Variants in STX16 observed in about 807,000 individuals in gnomAD.
STX16 encodes syntaxin-16.
STX16 carries 28 observed loss-of-function variants against 42.7 expected under a neutral mutation model. The observed-to-expected ratio is 0.66, with a 90% CI of 0.49 to 0.90. The LOEUF (loss-of-function observed/expected upper bound fraction) is 0.90. STX16 is among the 40% of genes least tolerant of loss of function. The pLI is 0.00. For missense variants in STX16, 361 were observed against 420.9 expected (o/e 0.86, Z 1.24); for synonymous variants, 156 against 155.2 (o/e 1.00, Z -0.04).
At chr20:58,667,413 A>G (rs2083861901) in intron 2 of STX16, 77 bp from the exon 3 acceptor site, 1 of 1,184,146 alleles carries the variant, frequency 8.4e-7, no homozygotes, top group South Asian at 1.3e-5. Flanking sequence ...AGGGAGTAAC[A>G]TTTAAGAGAG....
rs565696979 is a variant in STX16, at chr20:58,651,463, C to T, written c.-544C>T. On this transcript the variant is annotated 5_prime_UTR_variant, in exon 1 of 9. Coordinates refer to ENST00000371141, the MANE Select transcript of STX16 (RefSeq NM_001001433.3). ...CAGACAAGTCCCCAGAAGGGAGCTG[C>T]AGGCGCCCTCGAGTCCAGGCCCCAA... 6.5e-6 allele frequency: 1 copy of T among 154,186 alleles called. No individual in the cohort carries two copies. 9.6% of individuals were successfully genotyped at this position (154,186 alleles called of 1,614,324 possible). A position where few individuals can be genotyped will look rare whatever the true frequency, so the allele number is the denominator to read the frequency against.
intron 3 of STX16, 104 bp downstream of exon 3, chr20:58,667,701 A>T (rs555329106): frequency 5.8e-6 from 6 of 1,042,100 alleles, no homozygotes; most frequent in Non-Finnish European, 8.7e-6. Context: ...ACTTGAATGT[A>T]TATTTCTAGA....
chr20:58,677,520 A>G lies in STX16; in HGVS notation c.*1229A>G, dbSNP rs763901883. 2.0e-5 allele frequency: 3 copies of G among 152,246 alleles called. No individual in the cohort carries two copies. The allele number at this position is 152,246 out of a possible 1,614,324, so 9.4% of individuals were successfully genotyped here. On this transcript the variant is annotated 3_prime_UTR_variant, in exon 9 of 9. Coordinates refer to ENST00000371141, the MANE Select transcript of STX16 (RefSeq NM_001001433.3). ...CAATATGGTGCTTGAATATATTCCT[A>G]TAACTGTAGAACAGTGTGGAAAGTG...
chr20:58,671,039 A>G, intron 6 of STX16, 115 bp from the exon 7 acceptor site: 2 of 1,089,870 alleles, frequency 1.8e-6, no homozygotes, highest in South Asian at 4.4e-5. Context: ...ATATTTTCAG[A>G]ATTCATTTTC....
At chr20:58,670,816 C>T (rs1008188207) in intron 6 of STX16, among the ~76,000 whole-genome samples, 1 of 152,188 alleles carries the variant, frequency 6.6e-6, no homozygotes, top group Non-Finnish European at 1.5e-5. Flanking sequence ...CTTTCCAGAG[C>T]CTTTGGGAAA....
chr20:58,665,846 C>T (rs926985248), intron 2 of STX16, among the ~76,000 whole-genome samples: 1 of 152,166 alleles, frequency 6.6e-6, no homozygotes. Flanking sequence ...TGGTCATTGC[C>T]TAAGATGCGT....
At position 58,651,876 on chromosome 20, in the gene STX16, T is replaced by TTGAGGCC. The variant is rs2083463812; in HGVS notation, c.-122_-116dup. 4.2e-6 allele frequency: 4 copies of TTGAGGCC among 951,772 alleles called. No homozygotes were observed. Among genetic ancestry groups the TTGAGGCC allele is most frequent in the Non-Finnish European group, 6.4e-6 (4 of 624,704 alleles). The allele number at this position is 951,772 out of a possible 1,614,324, so 59.0% of individuals were successfully genotyped here. A position where few individuals can be genotyped will look rare whatever the true frequency, so the allele number is the denominator to read the frequency against. On this transcript the variant is annotated 5_prime_UTR_variant, in exon 1 of 9. Transcript: ENST00000371141. The stretch of plus-strand genomic sequence containing the variant: ...AAGCGCACAGCTGCATCTTTTTGGC[T>TTGAGGCC]TGAGGCCTGAGGCCTTGTCGAGAAG...
chr20:58,670,583 G>A lies in STX16; in HGVS notation c.628G>A (p.Asp210Asn), dbSNP rs145632985. Residue 210 changes from aspartate to asparagine, a missense_variant, in exon 6 of 9, where the codon GAT becomes AAT. Transcript: ENST00000371141. The stretch of plus-strand genomic sequence containing the variant: ...AGTACCACTAATGGATGATGGAGAC[G>A]ATAACACTCTTTACCATCGGGTACG... ...TSVPLMDDGD[D>N]NTLYHRGFTE... 1.3e-5 allele frequency: 21 copies of A among 1,613,948 alleles called. No individual in the cohort carries two copies. The highest frequency in any genetic ancestry group is 1.7e-5 in the Non-Finnish European group (20 of 1,179,962).
chr20:58,652,256 A>T, intron 1 of STX16, 118 bp downstream of exon 1: 1 of 1,422,566 alleles, frequency 7.0e-7, no homozygotes, highest in Non-Finnish European at 9.6e-7. Flanking sequence ...TAAGACTAAG[A>T]ATAATAAGAT....
In STX16 at chr20:58,676,346, C is replaced by CT; in HGVS notation, c.*57dup. The CT allele has an allele frequency of 6.6e-7, 1 of 1,511,788 alleles. No individual in the cohort carries two copies. The highest frequency in any genetic ancestry group is 1.7e-5 in the Admixed American group (1 of 59,730). The allele number at this position is 1,511,788 out of a possible 1,614,324, so 93.6% of individuals were successfully genotyped here. On this transcript the variant is annotated 3_prime_UTR_variant, in exon 9 of 9. Coordinates refer to ENST00000371141, the MANE Select transcript of STX16 (RefSeq NM_001001433.3). Reference sequence around the variant, plus strand: ...GTGTGGATCTCCCGGGTGTGAGGGGCTTGGCCTGCGCCCCGCCAGCTGCCC... The same window carrying CT: ...GTGTGGATCTCCCGGGTGTGAGGGGCTTTGGCCTGCGCCCCGCCAGCTGCCC...
intron 2 of STX16, among the ~76,000 whole-genome samples, chr20:58,660,152 C>T (rs6092668): frequency 1.2e-3 from 187 of 152,310 alleles, no homozygotes; most frequent in African/African-American, 4.4e-3. Context: ...TCTGCATCTC[C>T]TAGCTGGGGG....
At position 58,676,271 on chromosome 20, in the gene STX16, G is replaced by A. The variant is rs775032938; in HGVS notation, c.958G>A (p.Val320Ile). The stretch of plus-strand genomic sequence containing the variant: ...CATCATTGTGCTCATTGTTGTCCTC[G>A]TTGGCGTGAAGTCTCGATAAGTGGC... ...VIIIVLIVVL[V>I]GVKSR The change falls in exon 9 of 9, where the codon GTT (valine) becomes ATT (isoleucine). Residue 320 changes from valine (V) to isoleucine (I), a missense_variant. Physicochemically the swap from Val to Ile is conservative, Grantham distance 29 (BLOSUM62 3). Transcript: ENST00000371141. 4 of 1,614,034 alleles carry A rather than the reference G, an allele frequency of 2.5e-6. No individual in the cohort carries two copies. Among genetic ancestry groups the A allele is most frequent in the South Asian group, 2.2e-5 (2 of 91,086 alleles).
intron 7 of STX16, among the ~76,000 whole-genome samples, chr20:58,673,190 G>A (rs1190243337): frequency 6.6e-6 from 1 of 152,160 alleles, no homozygotes; most frequent in Non-Finnish European, 1.5e-5. Flanking sequence ...AGACGTGATA[G>A]TCAATTTGCA....
At chr20:58,665,939 T>C (rs541653755) in intron 2 of STX16, among the ~76,000 whole-genome samples, 6 of 152,142 alleles carry the variant, frequency 3.9e-5, no homozygotes, top group South Asian at 2.1e-4. Flanking sequence ...TGCAGGGAGG[T>C]TGATGGTGAA....
intron 1 of STX16, among the ~76,000 whole-genome samples, chr20:58,655,399 G>T (rs2083563632): frequency 6.6e-6 from 1 of 152,152 alleles, no homozygotes; most frequent in South Asian, 2.1e-4. Flanking sequence ...GGGTTATTGT[G>T]TGTCCCTGTG....
intron 7 of STX16, 149 bp downstream of exon 7, chr20:58,671,446 GT>G (rs2083972106): frequency 7.2e-6 from 3 of 415,950 alleles, no homozygotes; most frequent in Admixed American, 8.0e-5. Flanking sequence ...GGGTGTGTGT[GT>G]GTGTGTGTGT....
chr20:58,663,955 G>A (rs978804171), intron 2 of STX16, among the ~76,000 whole-genome samples: 4 of 152,196 alleles, frequency 2.6e-5, no homozygotes, highest in Non-Finnish European at 2.9e-5. Flanking sequence ...TGGGATTACC[G>A]GCGTGAGCCA....
chr20:58,654,358 G>A (rs1261209357), intron 1 of STX16, among the ~76,000 whole-genome samples: 1 of 152,078 alleles, frequency 6.6e-6, no homozygotes, highest in Non-Finnish European at 1.5e-5. Flanking sequence ...TATTTTAATT[G>A]TGTTAAAAAA....
At chr20:58,667,122 G>T in intron 2 of STX16, 1 of 303,786 alleles carries the variant, frequency 3.3e-6, no homozygotes, top group South Asian at 3.0e-5. Context: ...TGAGGTTCAT[G>T]CCGTTCTATC....
Sources: gnomAD v4.1 joint callset for allele counts (sites outside exome capture counted in the v4.1 genomes callset) on GRCh38, gnomAD v4.1.1 for gene constraint, MANE v1.5 for transcripts, NCBI Gene and HGNC (gene_info 2026-07-23, HGNC 2026-07-21) for gene names.